CR1L: variants seen among roughly 807,000 people sequenced by gnomAD.
CR1L encodes complement component receptor 1-like protein.
CR1L carries 59 observed loss-of-function variants against 62.3 expected under a neutral mutation model. That is an observed-to-expected ratio of 0.95 (90% confidence interval 0.77 to 1.18). The LOEUF is 1.18. Among genes scored for constraint, CR1L ranks in the 50% most tolerant of loss-of-function variants. The probability of loss-of-function intolerance (pLI) is 0.00; values close to 1 mark genes in which losing one functional copy is unlikely to be tolerated. For synonymous variants in CR1L, 279 were observed against 248.7 expected, an observed-to-expected ratio of 1.12 and a Z score of -1.15; for missense variants, 700 against 702.8, an observed-to-expected ratio of 1.00 and a Z score of 0.04.
chr1:207,706,547 A>T (rs1265049186), intron 9 of CR1L, among the ~76,000 whole-genome samples: 1 of 152,210 alleles, frequency 6.6e-6, no homozygotes, highest in African/African-American at 2.4e-5. Context: ...TCTGTGTTTC[A>T]GGGATAGAGA....
At chr1:207,662,998 C>T (rs1187261807) in intron 1 of CR1L, among the ~76,000 whole-genome samples, 1 of 152,160 alleles carries the variant, frequency 6.6e-6, no homozygotes, top group Non-Finnish European at 1.5e-5. Flanking sequence ...GCCTGATCTT[C>T]CTTTGGAAGT....
At chr1:207,678,016 C>CT (rs1483392273) in intron 2 of CR1L, among the ~76,000 whole-genome samples, 182 bp from the exon 3 acceptor site, 1 of 151,890 alleles carries the variant, frequency 6.6e-6, no homozygotes, top group Non-Finnish European at 1.5e-5. Context: ...GAAAGGAAAG[C>CT]TTTTTTTGAA....
At position 207,690,829 on chromosome 1, in the gene CR1L, G is replaced by A. The variant is rs538783073; in HGVS notation, c.464-3524G>A. Among the ~76,000 whole-genome samples, 13 of 152,228 alleles carry A rather than the reference G, an allele frequency of 8.5e-5. No individual in the cohort carries two copies. The South Asian group carries it at 1.9e-3, about 22-fold the overall frequency. ...TTGTAGATGCATCATTTCGTTTTCCGCCTCCATCTTCAAGTCGCCTTCTCC... is the reference window on the plus strand; with the variant it reads ...TTGTAGATGCATCATTTCGTTTTCCACCTCCATCTTCAAGTCGCCTTCTCC... On this transcript the variant is annotated intron_variant, in intron 4 of 11. Coordinates refer to ENST00000508064, the MANE Select transcript of CR1L (RefSeq NM_175710.2).
intron 4 of CR1L, among the ~76,000 whole-genome samples, chr1:207,688,703 A>G (rs1027783905): frequency 2.0e-5 from 3 of 152,304 alleles, no homozygotes; most frequent in Admixed American, 2.0e-4. Flanking sequence ...GTTTAAATTT[A>G]TGAACATGAT....
At chr1:207,711,850 G>C (rs553577294) in intron 10 of CR1L, among the ~76,000 whole-genome samples, 5 of 150,384 alleles carry the variant, frequency 3.3e-5, no homozygotes, top group Admixed American at 3.3e-4. Context: ...AGTGAGCTAA[G>C]ATCACACGAC....
At position 207,697,811 on chromosome 1, in the gene CR1L, C is replaced by T. The variant is rs1453687657; in HGVS notation, c.1080C>T (p.Gly360=). The part of the protein sequence containing the change: ...CDDFLGQLPN[G]HVLFPLNLQL... ...ACTTCCTGGGCCAACTTCCTAATGG[C>T]CATGTGCTATTTCCACTTAATCTCC... Residue 360 remains glycine (G), a synonymous_variant, in exon 7 of 12, where the codon GGC becomes GGT. Transcript: ENST00000508064. 1 of 1,613,970 alleles carries T rather than the reference C, an allele frequency of 6.2e-7. No homozygotes were observed. The highest frequency in any genetic ancestry group is 2.2e-5 in the East Asian group (1 of 44,882).
At position 207,695,754 on chromosome 1, in the gene CR1L, T is replaced by C. The variant is rs143701346; in HGVS notation, c.862+1003T>C. Among the ~76,000 whole-genome samples, 4 of 152,222 alleles carry C rather than the reference T, an allele frequency of 2.6e-5. No individual in the cohort carries two copies. In the South Asian group the frequency reaches 8.3e-4, roughly 32 times the overall value. On this transcript the variant is annotated intron_variant, in intron 5 of 11. Coordinates refer to ENST00000508064, the MANE Select transcript of CR1L (RefSeq NM_175710.2). ...AGACTCCTCAGGAAACTTACAATCATGGTGGAAGGCAAAGAGGAAGCATGT... is the reference window on the plus strand; with the variant it reads ...AGACTCCTCAGGAAACTTACAATCACGGTGGAAGGCAAAGAGGAAGCATGT...
intron 1 of CR1L, among the ~76,000 whole-genome samples, chr1:207,665,154 C>T (rs938957352): frequency 4.6e-5 from 7 of 150,992 alleles, no homozygotes; most frequent in South Asian, 4.2e-4. Flanking sequence ...CCCGGGTTCC[C>T]GCCATTCTCC....
At chr1:207,701,778 T>C in intron 9 of CR1L, 160 bp downstream of exon 9, 2 of 1,013,718 alleles carry the variant, frequency 2.0e-6, no homozygotes, top group Non-Finnish European at 3.0e-6. Flanking sequence ...TAGGAGAAGA[T>C]TAGGGGAAAA....
intron 8 of CR1L, 40 bp from the exon 9 acceptor site, chr1:207,701,479 G>A (rs918357220): frequency 6.2e-7 from 1 of 1,610,934 alleles, no homozygotes; most frequent in African/African-American, 1.3e-5. Flanking sequence ...AGAGAGTTCA[G>A]ATTACTCTAC....
At chr1:207,674,541 T>C (rs1349975213) in intron 1 of CR1L, among the ~76,000 whole-genome samples, 1 of 152,104 alleles carries the variant, frequency 6.6e-6, no homozygotes, top group South Asian at 2.1e-4. Flanking sequence ...CGCAAATTTA[T>C]ATTATTACCT....
chr1:207,661,156 T>G (rs1414353009), intron 1 of CR1L, among the ~76,000 whole-genome samples: 2 of 152,226 alleles, frequency 1.3e-5, no homozygotes, highest in African/African-American at 4.8e-5. Context: ...AGATGTCTAT[T>G]AGGTCTGCTT....
chr1:207,701,820 C>G (rs1388562305), intron 9 of CR1L: 1 of 802,160 alleles, frequency 1.2e-6, no homozygotes, highest in Non-Finnish European at 2.1e-6. Flanking sequence ...CAGGGCAGTG[C>G]ACACATAAAG....
At chr1:207,682,031 G>A (rs996621490) in intron 3 of CR1L, among the ~76,000 whole-genome samples, 9 of 152,084 alleles carry the variant, frequency 5.9e-5, no homozygotes, top group Non-Finnish European at 1.2e-4. Context: ...AGCACTAGGA[G>A]AAATACCTAA....
chr1:207,684,095 T>G, intron 4 of CR1L, 138 bp downstream of exon 4: 2 of 701,184 alleles, frequency 2.9e-6, no homozygotes, highest in South Asian at 6.3e-5. Flanking sequence ...TTCTCAGATA[T>G]TCCTATGGGG....
chr1:207,683,604 T>C (rs1397466471), intron 3 of CR1L, among the ~76,000 whole-genome samples: 1 of 152,198 alleles, frequency 6.6e-6, no homozygotes, highest in Non-Finnish European at 1.5e-5. Flanking sequence ...AAATGAAATT[T>C]ATAGGAAAAA....
At chr1:207,680,053 A>G (rs1214340084) in intron 3 of CR1L, among the ~76,000 whole-genome samples, 2 of 152,228 alleles carry the variant, frequency 1.3e-5, no homozygotes, top group Non-Finnish European at 2.9e-5. Context: ...AAATTTATCC[A>G]AAGTCATATG....
At chr1:207,720,995 T>C (rs1654123457) in intron 11 of CR1L, among the ~76,000 whole-genome samples, 1 of 152,150 alleles carries the variant, frequency 6.6e-6, no homozygotes, top group South Asian at 2.1e-4. Flanking sequence ...CCATGCCATT[T>C]CTAAGGTAAA....
chr1:207,676,645 C>G (rs1663696775), intron 1 of CR1L, among the ~76,000 whole-genome samples: 1 of 152,128 alleles, frequency 6.6e-6, no homozygotes, highest in Non-Finnish European at 1.5e-5. Context: ...GAATCAATCT[C>G]TTTGCTATTA....
Sources: allele counts gnomAD v4.1 joint callset (sites outside exome capture counted in the v4.1 genomes callset), GRCh38; gene constraint gnomAD v4.1.1; transcripts MANE v1.5; gene names NCBI Gene and HGNC (gene_info 2026-07-23, HGNC 2026-07-21).